Variants in LARGE1 observed in about 807,000 individuals in gnomAD.
LARGE1 encodes xylosyl- and glucuronyltransferase LARGE1.
LARGE1 carries 43 observed loss-of-function variants against 87.6 expected under a neutral mutation model. That is an observed-to-expected ratio of 0.49 (90% CI 0.38 to 0.63). LARGE1 has a LOEUF of 0.63. Ranked by LOEUF, LARGE1 falls within the 30% of genes least tolerant of loss-of-function variation. The pLI is 0.00. For synonymous variants in LARGE1, 434 were observed against 394.6 expected, an observed-to-expected ratio of 1.10 and a Z score of -1.18; for missense variants, 802 against 1,000.2, an observed-to-expected ratio of 0.80 and a Z score of 2.67.
intron 1 of LARGE1, among the ~76,000 whole-genome samples, chr22:33,841,606 G>A (rs898500155): frequency 2.0e-5 from 3 of 152,202 alleles, no homozygotes; most frequent in Non-Finnish European, 4.4e-5. Flanking sequence ...ATCACATCTT[G>A]TGGGCTCCAA....
At chr22:33,684,457 T>C (rs1244116400) in intron 2 of LARGE1, among the ~76,000 whole-genome samples, 1 of 151,836 alleles carries the variant, frequency 6.6e-6, no homozygotes, top group African/African-American at 2.4e-5. Context: ...GAAAATCCCA[T>C]AGAAGTCACC....
At chr22:33,129,590 G>A in the LARGE1 span, among the ~76,000 whole-genome samples, 6 of 152,108 alleles carry the variant, frequency 3.9e-5, no homozygotes, top group African/African-American at 7.2e-5. Flanking sequence ...GTGTTAGTCC[G>A]TTCTCACACT....
At position 33,614,531 on chromosome 22, in the gene LARGE1, T is replaced by C. The variant is rs180904392; in HGVS notation, c.492-9973A>G. Among the ~76,000 whole-genome samples, 4 of 151,984 alleles carry C rather than the reference T, an allele frequency of 2.6e-5. No individual in the cohort carries two copies. The East Asian group carries it at 7.8e-4, about 29-fold the overall frequency. On this transcript the variant is annotated intron_variant, in intron 4 of 14. Coordinates refer to ENST00000397394, the MANE Select transcript of LARGE1 (RefSeq NM_133642.5). ...TCTCACCCTATCTGTCCCTCAAAGC[T>C]CATATCTTCACACCCCTTCCTTAAA... is the stretch of plus-strand genomic sequence containing the variant.
chr22:33,428,567 C>T (rs919797098), intron 7 of LARGE1, among the ~76,000 whole-genome samples: 5 of 150,346 alleles, frequency 3.3e-5, no homozygotes, highest in Non-Finnish European at 7.4e-5. Context: ...CCCACCTCGG[C>T]CTCCCAAAGT....
chr22:33,867,663 G>A (rs560365881), intron 1 of LARGE1, among the ~76,000 whole-genome samples: 8 of 152,322 alleles, frequency 5.3e-5, no homozygotes, highest in South Asian at 2.1e-4. Flanking sequence ...ATGGAGCCAC[G>A]TTGAATCACT....
intron 2 of LARGE1, chr22:33,744,144 A>G (rs1275730546): frequency 6.6e-6 from 1 of 152,228 alleles, no homozygotes. Context: ...AAGTTTATCA[A>G]TACATGATCT....
chr22:33,321,730 A>G (rs1010150786), intron 10 of LARGE1, among the ~76,000 whole-genome samples: 2 of 152,208 alleles, frequency 1.3e-5, no homozygotes, highest in African/African-American at 2.4e-5. Context: ...TCAGACAAGT[A>G]GCTGGTCCTC....
intron 10 of LARGE1, among the ~76,000 whole-genome samples, chr22:33,327,994 T>G (rs1569060210): frequency 6.6e-6 from 1 of 151,624 alleles, no homozygotes; most frequent in Admixed American, 6.6e-5. Flanking sequence ...TACTGATGAA[T>G]AAAACAGATA....
chr22:33,698,217 A>G (rs1188667185), intron 2 of LARGE1, among the ~76,000 whole-genome samples: 3 of 148,564 alleles, frequency 2.0e-5, no homozygotes, highest in Admixed American at 6.7e-5. Context: ...AGAGTACAGG[A>G]GCACGCCACC....
At chr22:33,708,889 A>AC (rs944176832) in intron 2 of LARGE1, among the ~76,000 whole-genome samples, 1 of 151,880 alleles carries the variant, frequency 6.6e-6, no homozygotes, top group South Asian at 2.1e-4. Context: ...GCGAGCCATC[A>AC]CCCCCAGCCC....
intron 9 of LARGE1, among the ~76,000 whole-genome samples, chr22:33,356,044 G>GC (rs1477173698): frequency 1.1e-4 from 2 of 18,886 alleles, no homozygotes; most frequent in Non-Finnish European, 3.8e-4. Context: ...CTCCTCCCCA[G>GC]TTCCCCATTT....
intron 1 of LARGE1, among the ~76,000 whole-genome samples, chr22:33,802,998 A>C (rs1359539029): frequency 2.0e-5 from 3 of 152,218 alleles, no homozygotes; most frequent in Admixed American, 2.0e-4. Context: ...TTGGATGGAC[A>C]GGAAGATGGG....
At chr22:33,362,532 G>T (rs2064425198) in intron 9 of LARGE1, among the ~76,000 whole-genome samples, 1 of 149,906 alleles carries the variant, frequency 6.7e-6, no homozygotes, top group Non-Finnish European at 1.5e-5. Flanking sequence ...CTAGGGCAAA[G>T]TAGATGCCCA....
intron 2 of LARGE1, among the ~76,000 whole-genome samples, chr22:33,748,638 G>T (rs1381637313): frequency 6.6e-6 from 1 of 152,204 alleles, no homozygotes; most frequent in Non-Finnish European, 1.5e-5. Context: ...CATTTAAAAG[G>T]AGGACTGGGA....
At chr22:33,731,342 T>C (rs1258664954) in intron 2 of LARGE1, among the ~76,000 whole-genome samples, 5 of 152,094 alleles carry the variant, frequency 3.3e-5, no homozygotes, top group East Asian at 1.9e-4. Flanking sequence ...AGAGAACTTA[T>C]TGAGATAGTG....
chr22:33,222,705 G>A (rs1034342376), intron 11 of LARGE1, among the ~76,000 whole-genome samples: 8 of 152,202 alleles, frequency 5.3e-5, no homozygotes, highest in African/African-American at 1.9e-4. Flanking sequence ...GAGGCAAGGA[G>A]TAGAGCCTTC....
intron 4 of LARGE1, among the ~76,000 whole-genome samples, chr22:33,615,256 T>C (rs1317316966): frequency 6.6e-6 from 1 of 152,074 alleles, no homozygotes; most frequent in Non-Finnish European, 1.5e-5. Context: ...AAGGAAAGAA[T>C]GAATAAATGA....
chr22:33,663,248 G>C (rs192517447), intron 2 of LARGE1, among the ~76,000 whole-genome samples: 24 of 152,298 alleles, frequency 1.6e-4, no homozygotes, highest in African/African-American at 5.8e-4. Context: ...GTTACCAAGA[G>C]CAAGATAGAT....
At chr22:33,387,525 TG>T (rs57007465) in intron 7 of LARGE1, among the ~76,000 whole-genome samples, 1,946 of 110,442 alleles carry the variant, frequency 0.018, 77 homozygotes, top group African/African-American at 0.05. Context: ...TATTAAAAAA[TG>T]GGGGGGGGGA....
Sources: allele counts gnomAD v4.1 joint callset (sites outside exome capture counted in the v4.1 genomes callset), GRCh38; gene constraint gnomAD v4.1.1; transcripts MANE v1.5; gene names NCBI Gene and HGNC (gene_info 2026-07-23, HGNC 2026-07-21).